The following ATP8B1 variants were observed in gnomAD, a reference collection of about 807,000 sequenced individuals.
ATP8B1 encodes ATPase phospholipid transporting 8B1.
Under a neutral mutation model 149.9 loss-of-function variants are expected in ATP8B1, and 80 were observed. The observed-to-expected ratio is 0.53, with a 90% CI of 0.45 to 0.64. The LOEUF is 0.64. Among genes scored for constraint, ATP8B1 ranks in the 30% least tolerant of loss-of-function variants. The pLI is 0.00. For synonymous variants in ATP8B1, 536 were observed against 562.8 expected (o/e 0.95, Z 0.67); for missense variants, 1,247 against 1,552.6 (o/e 0.80, Z 3.31).
At chr18:57,710,281 G>C (rs1913626262) in intron 2 of ATP8B1, among the ~76,000 whole-genome samples, 1 of 152,194 alleles carries the variant, frequency 6.6e-6, no homozygotes, top group Non-Finnish European at 1.5e-5. Flanking sequence ...CCATGTACAT[G>C]TACAGAGATG....
At chr18:57,678,315 CG>C (rs966053879) in intron 15 of ATP8B1, among the ~76,000 whole-genome samples, 9 of 152,042 alleles carry the variant, frequency 5.9e-5, no homozygotes, top group African/African-American at 2.2e-4. Context: ...GGGCAGGGCA[CG>C]GTGGCTCACA....
At chr18:57,782,160 A>T (rs1291101229) in intron 1 of ATP8B1, among the ~76,000 whole-genome samples, 1 of 152,270 alleles carries the variant, frequency 6.6e-6, no homozygotes, top group East Asian at 1.9e-4. Context: ...TAATTGGAGA[A>T]TGGAGCAGAA....
intron 1 of ATP8B1, among the ~76,000 whole-genome samples, chr18:57,782,209 T>C (rs1002629961): frequency 1.3e-5 from 2 of 152,294 alleles, no homozygotes; most frequent in South Asian, 2.1e-4. Context: ...GTCTATAGAA[T>C]TTGCGAAAAT....
intron 1 of ATP8B1, among the ~76,000 whole-genome samples, chr18:57,743,954 C>T (rs1006120431): frequency 6.6e-6 from 1 of 152,118 alleles, no homozygotes; most frequent in African/African-American, 2.4e-5. Flanking sequence ...AGTGGTTCTA[C>T]CTTATTACCT....
At chr18:57,758,477 C>T (rs1372701634) in intron 1 of ATP8B1, among the ~76,000 whole-genome samples, 1 of 121,218 alleles carries the variant, frequency 8.2e-6, no homozygotes, top group Non-Finnish European at 1.9e-5. Flanking sequence ...CCCGTCTCTA[C>T]TAAAAAAAAA....
chr18:57,713,644 C>T (rs929253245), intron 2 of ATP8B1, among the ~76,000 whole-genome samples: 2 of 151,600 alleles, frequency 1.3e-5, no homozygotes, highest in African/African-American at 4.9e-5. Flanking sequence ...GTGTGTGCCA[C>T]CATGCTTGGC....
At chr18:57,715,882 A>G (rs1212275939) in intron 2 of ATP8B1, among the ~76,000 whole-genome samples, 1 of 152,232 alleles carries the variant, frequency 6.6e-6, no homozygotes, top group African/African-American at 2.4e-5. Context: ...GAGCAATAAG[A>G]AATCACCTGA....
chr18:57,667,232 T>TG, intron 19 of ATP8B1, 65 bp from the exon 20 acceptor site: 7 of 1,369,942 alleles, frequency 5.1e-6, no homozygotes, highest in Middle Eastern at 1.8e-4. Flanking sequence ...TATTTTGTTT[T>TG]TTGAGACAGC....
At chr18:57,705,537 G>A (rs998315732) in intron 3 of ATP8B1, among the ~76,000 whole-genome samples, 4 of 152,196 alleles carry the variant, frequency 2.6e-5, no homozygotes, top group African/African-American at 7.2e-5. Flanking sequence ...GTCCCTATAA[G>A]AGGAAAGTTG....
intron 2 of ATP8B1, among the ~76,000 whole-genome samples, chr18:57,713,066 T>C (rs892074891): frequency 6.6e-6 from 1 of 151,984 alleles, no homozygotes; most frequent in Non-Finnish European, 1.5e-5. Flanking sequence ...CCCAGCACAT[T>C]CCCAGCTGTG....
At chr18:57,703,340 CG>C (rs1568203287) in intron 4 of ATP8B1, among the ~76,000 whole-genome samples, 3 of 152,048 alleles carry the variant, frequency 2.0e-5, no homozygotes, top group African/African-American at 4.8e-5. Context: ...GAGGCTGAGG[CG>C]GGTGGATCAC....
At position 57,773,200 on chromosome 18, in the gene ATP8B1, T is replaced by TAAAAAAAAAAAA. The variant is rs530739448; in HGVS notation, c.-26+29797_-26+29798insTTTTTTTTTTTT. On this transcript the variant is annotated intron_variant, in intron 1 of 27. Coordinates refer to ENST00000648908, the MANE Select transcript of ATP8B1 (RefSeq NM_001374385.1). ...CTGGGTGACAGAGCGAGACTCTGTC[T>TAAAAAAAAAAAA]TAAAAAAAAAAAAAAAAAGAAAAGA... 7.2e-5 allele frequency among the ~76,000 whole-genome samples: 9 copies of TAAAAAAAAAAAA among 125,544 alleles called. 1 individual carries two copies. The highest frequency in any genetic ancestry group is 2.6e-4 in the South Asian group (1 of 3,784). The allele number at this position is 125,544 out of a possible 152,430, so 82.4% of individuals were successfully genotyped here.
At chr18:57,689,845 G>C (rs560248089) in intron 12 of ATP8B1, among the ~76,000 whole-genome samples, 1 of 152,034 alleles carries the variant, frequency 6.6e-6, no homozygotes, top group Admixed American at 6.6e-5. Context: ...GTGAAACCCC[G>C]TCTCTACTAA....
intron 1 of ATP8B1, among the ~76,000 whole-genome samples, chr18:57,753,226 T>C (rs918538222): frequency 3.3e-5 from 5 of 152,218 alleles, no homozygotes; most frequent in African/African-American, 1.2e-4. Flanking sequence ...GCAAACCACC[T>C]TGATCATGGT....
Position 57,725,520 on chromosome 18 carries a change from G to GA in ATP8B1, c.181+6106dup, listed in dbSNP as rs541448578. On this transcript the variant is annotated intron_variant, in intron 2 of 27. Coordinates refer to ENST00000648908, the MANE Select transcript of ATP8B1 (RefSeq NM_001374385.1). ...ACCAATGACTGTCTTCACAGAAATA[G>GA]AAAAAAAATCCTAAAATTTGTATGG... Among the ~76,000 whole-genome samples, 9 of 151,918 alleles carry GA rather than the reference G, an allele frequency of 5.9e-5. No individual in the cohort carries two copies. The East Asian group carries it at 1.2e-3, about 20-fold the overall frequency.
At chr18:57,747,895 G>C (rs1178605506) in intron 1 of ATP8B1, among the ~76,000 whole-genome samples, 1 of 152,180 alleles carries the variant, frequency 6.6e-6, no homozygotes, top group Admixed American at 6.5e-5. Flanking sequence ...CATATCCTAA[G>C]TTTTGGACCA....
intron 6 of ATP8B1, among the ~76,000 whole-genome samples, chr18:57,700,239 A>C (rs1568201997): frequency 1.3e-5 from 2 of 150,768 alleles, no homozygotes; most frequent in Non-Finnish European, 3.0e-5. Flanking sequence ...GATAAGCCAA[A>C]TTTTTTTTTT....
At chr18:57,771,920 C>G (rs370568919) in intron 1 of ATP8B1, among the ~76,000 whole-genome samples, 1 of 152,124 alleles carries the variant, frequency 6.6e-6, no homozygotes, top group African/African-American at 2.4e-5. Flanking sequence ...CCAATTTTCA[C>G]GATTAAAACT....
chr18:57,710,412 T>G (rs1913631710), intron 2 of ATP8B1, among the ~76,000 whole-genome samples: 1 of 152,076 alleles, frequency 6.6e-6, no homozygotes, highest in Non-Finnish European at 1.5e-5. Flanking sequence ...GATCACCACG[T>G]CCTTTGATCA....
Sources: allele counts gnomAD v4.1 joint callset (sites outside exome capture counted in the v4.1 genomes callset), GRCh38; gene constraint gnomAD v4.1.1; transcripts MANE v1.5; gene names NCBI Gene and HGNC (gene_info 2026-07-23, HGNC 2026-07-21).